PSD3: variants seen among roughly 807,000 people sequenced by gnomAD.
The protein encoded by PSD3 is PH and SEC7 domain-containing protein 3.
PSD3 carries 49 observed loss-of-function variants against 105.5 expected under a neutral mutation model. That is an observed-to-expected ratio of 0.46 (90% confidence interval 0.37 to 0.59). The LOEUF is 0.59. Among genes scored for constraint, PSD3 ranks in the 20% least tolerant of loss-of-function variants. The pLI, the probability that PSD3 is intolerant of heterozygous loss-of-function variation, is 0.00. For missense variants in PSD3, 1,561 were observed against 1,263.8 expected (o/e 1.24, Z -3.57); for synonymous variants, 557 against 457.8 (o/e 1.22, Z -2.77).
At chr8:18,891,143 T>G (rs1818759095) in intron 2 of PSD3, among the ~76,000 whole-genome samples, 1 of 152,150 alleles carries the variant, frequency 6.6e-6, no homozygotes, top group Admixed American at 6.5e-5. Context: ...CCCTACCAGG[T>G]AGATATCAGG....
intron 14 of PSD3, among the ~76,000 whole-genome samples, chr8:18,559,288 T>C (rs527463279): frequency 1.4e-3 from 209 of 152,348 alleles, no homozygotes; most frequent in African/African-American, 4.5e-3. Flanking sequence ...GATGTTATTA[T>C]ACTTGTAAAT....
intron 1 of PSD3, among the ~76,000 whole-genome samples, chr8:18,936,894 T>G (rs1822175684): frequency 6.6e-6 from 1 of 152,174 alleles, no homozygotes; most frequent in Non-Finnish European, 1.5e-5. Context: ...AACCAGTCTT[T>G]CCCCAAAATA....
chr8:18,556,197 G>A lies in PSD3; in HGVS notation c.2928+12C>T. On this transcript the variant is annotated intron_variant, in intron 15 of 15. Coordinates refer to ENST00000327040, the MANE Select transcript of PSD3 (RefSeq NM_015310.4). ...AGAAATCAGCATTTACTAACATTTG[G>A]GTGCAACACACCTCAAACTCCAGAT... 6.2e-7 allele frequency: 1 copy of A among 1,612,180 alleles called. No individual in the cohort carries two copies. The highest frequency in any genetic ancestry group is 8.5e-7 in the Non-Finnish European group (1 of 1,179,256).
intron 10 of PSD3, among the ~76,000 whole-genome samples, chr8:18,648,835 A>C (rs990733930): frequency 1.3e-5 from 2 of 152,242 alleles, no homozygotes; most frequent in Admixed American, 6.5e-5. Flanking sequence ...GCTGTGGCTA[A>C]AAGGGCCAAG....
chr8:19,025,382 C>A (rs968237885), intron 1 of PSD3, among the ~76,000 whole-genome samples: 12 of 152,196 alleles, frequency 7.9e-5, no homozygotes, highest in African/African-American at 2.7e-4. Context: ...GCATGACTCA[C>A]TCTCTTGAGT....
intron 9 of PSD3, among the ~76,000 whole-genome samples, chr8:18,734,755 C>T (rs1257310730): frequency 1.3e-5 from 2 of 152,148 alleles, no homozygotes; most frequent in African/African-American, 4.8e-5. Flanking sequence ...AGCCTGTGAA[C>T]CCGTAACTGT....
At chr8:18,766,946 G>A (rs1807051662) in intron 8 of PSD3, among the ~76,000 whole-genome samples, 1 of 152,182 alleles carries the variant, frequency 6.6e-6, no homozygotes, top group South Asian at 2.1e-4. Flanking sequence ...GGAGATACCA[G>A]CTCTACCTTC....
At chr8:18,975,548 A>G (rs952094617) in intron 1 of PSD3, among the ~76,000 whole-genome samples, 10 of 152,304 alleles carry the variant, frequency 6.6e-5, no homozygotes, top group African/African-American at 2.4e-4. Context: ...CATAAGATTA[A>G]AATAGAAAGA....
intron 1 of PSD3, among the ~76,000 whole-genome samples, chr8:19,080,793 A>G (rs1458783839): frequency 3.9e-5 from 6 of 152,214 alleles, no homozygotes; most frequent in Non-Finnish European, 7.3e-5. Context: ...AAGGCCATAG[A>G]TAAAATTGAG....
intron 1 of PSD3, among the ~76,000 whole-genome samples, chr8:19,069,587 G>T (rs938921468): frequency 1.3e-5 from 2 of 152,182 alleles, no homozygotes; most frequent in Non-Finnish European, 2.9e-5. Flanking sequence ...AAAGGGATAG[G>T]GTCATCATCG....
In PSD3 at chr8:18,533,125, G is replaced by A. The variant is rs1456426298; in HGVS notation, c.*2618C>T. On this transcript the variant is annotated 3_prime_UTR_variant, in exon 16 of 16. Transcript: ENST00000327040. ...GCCACAGGAAATAAATTATCCCAAA[G>A]GAAAATGTGGTTGGCTATGGGCCAG... is the stretch of plus-strand genomic sequence containing the variant. 1.3e-5 allele frequency: 2 copies of A among 152,156 alleles called. No homozygotes were observed. The highest frequency in any genetic ancestry group is 4.8e-5 in the African/African-American group (2 of 41,426). 9.4% of individuals were successfully genotyped at this position (152,156 alleles called of 1,614,324 possible).
At chr8:18,693,983 C>T (rs1801123823) in intron 9 of PSD3, among the ~76,000 whole-genome samples, 1 of 152,112 alleles carries the variant, frequency 6.6e-6, no homozygotes, top group African/African-American at 2.4e-5. Context: ...TGGGTAGTAA[C>T]ACTGGACCCT....
chr8:18,713,148 G>C (rs113455008), intron 9 of PSD3, among the ~76,000 whole-genome samples: 2 of 151,988 alleles, frequency 1.3e-5, no homozygotes, highest in Non-Finnish European at 2.9e-5. Flanking sequence ...AACAATAAAA[G>C]CCATTCATGA....
chr8:18,733,787 T>C (rs770601628), intron 9 of PSD3: 7 of 152,598 alleles, frequency 4.6e-5, no homozygotes, highest in Non-Finnish European at 1.0e-4. Context: ...TAACATCCCA[T>C]ACCGGCAGTG....
intron 1 of PSD3, among the ~76,000 whole-genome samples, chr8:19,081,021 T>C (rs1357379076): frequency 6.6e-6 from 1 of 152,206 alleles, no homozygotes; most frequent in African/African-American, 2.4e-5. Context: ...CTCTTATCTT[T>C]AGCCCCAAGT....
At chr8:18,776,759 A>G (rs1393486607) in intron 8 of PSD3, among the ~76,000 whole-genome samples, 1 of 152,118 alleles carries the variant, frequency 6.6e-6, no homozygotes, top group Non-Finnish European at 1.5e-5. Flanking sequence ...CCATTTTATT[A>G]GTGCTTTGAT....
intron 11 of PSD3, among the ~76,000 whole-genome samples, chr8:18,619,864 C>T (rs1805975988): frequency 6.6e-6 from 1 of 152,192 alleles, no homozygotes; most frequent in Non-Finnish European, 1.5e-5. Context: ...AAATGACCCT[C>T]CAAAGCCGTC....
intron 4 of PSD3, among the ~76,000 whole-genome samples, chr8:18,824,641 A>G (rs969627227): frequency 6.6e-6 from 1 of 152,236 alleles, no homozygotes; most frequent in Admixed American, 6.5e-5. Context: ...TTCAGGGGCC[A>G]TCTATCACTG....
At chr8:18,951,211 A>T (rs1823216257) in intron 1 of PSD3, among the ~76,000 whole-genome samples, 1 of 152,192 alleles carries the variant, frequency 6.6e-6, no homozygotes, top group African/African-American at 2.4e-5. Context: ...CCTGGGCAAC[A>T]TAGTGAGACA....
Sources: gnomAD v4.1 joint callset for allele counts (sites outside exome capture counted in the v4.1 genomes callset) on GRCh38, gnomAD v4.1.1 for gene constraint, MANE v1.5 for transcripts, NCBI Gene and HGNC (gene_info 2026-07-23, HGNC 2026-07-21) for gene names.